The following TGFBR3 variants were observed in gnomAD, a reference collection of about 807,000 sequenced individuals.
TGFBR3 encodes the protein transforming growth factor beta receptor 3, also known as transforming growth factor beta receptor type 3.
TGFBR3 carries 46 observed loss-of-function variants against 87.9 expected under a neutral mutation model. The observed-to-expected ratio is 0.52, with a 90% confidence interval of 0.41 to 0.67. The LOEUF (loss-of-function observed/expected upper bound fraction) is 0.67, where lower values mean the gene tolerates loss of function less well. Among genes scored for constraint, TGFBR3 ranks in the 30% least tolerant of loss-of-function variants. TGFBR3 has a pLI of 0.00. For synonymous variants in TGFBR3, 381 were observed against 391.6 expected, an observed-to-expected ratio of 0.97 and a Z score of 0.32; for missense variants, 866 against 1,041.9, an observed-to-expected ratio of 0.83 and a Z score of 2.32.
intron 12 of TGFBR3, among the ~76,000 whole-genome samples, 168 bp from the exon 13 acceptor site, chr1:91,712,710 G>GA (rs746466911): frequency 6.6e-6 from 1 of 152,148 alleles, no homozygotes; most frequent in Non-Finnish European, 1.5e-5. Context: ...CACATTGAAA[G>GA]AAAAAGATAT....
Position 91,680,638 on chromosome 1 carries a change from C to A in TGFBR3, c.*3101G>T, listed in dbSNP as rs1374984185. ...GAAAAACATCTGTCAGTTTCATGAA[C>A]AACCCCCAGATAAAACAAACATGAA... On this transcript the variant is annotated 3_prime_UTR_variant, in exon 17 of 17. Coordinates refer to ENST00000212355, the MANE Select transcript of TGFBR3 (RefSeq NM_003243.5). The A allele has an allele frequency of 4.4e-6, 2 of 453,876 alleles. No homozygotes were observed. The highest frequency in any genetic ancestry group is 4.0e-5 in the African/African-American group (2 of 49,950). 28.1% of individuals were successfully genotyped at this position (453,876 alleles called of 1,614,324 possible).
chr1:91,704,801 AT>A (rs1671740503), intron 14 of TGFBR3, among the ~76,000 whole-genome samples: 1 of 152,236 alleles, frequency 6.6e-6, no homozygotes, highest in Non-Finnish European at 1.5e-5. Context: ...GGAAGGTTCC[AT>A]TAAAAACAGT....
At chr1:91,853,247 C>T (rs1010955263) in intron 2 of TGFBR3, among the ~76,000 whole-genome samples, 1 of 121,768 alleles carries the variant, frequency 8.2e-6, no homozygotes, top group African/African-American at 3.1e-5. Flanking sequence ...TGTTCTAAGA[C>T]CTGAGGGTTG....
intron 12 of TGFBR3, among the ~76,000 whole-genome samples, chr1:91,713,628 G>A (rs1672064097): frequency 6.6e-6 from 1 of 152,180 alleles, no homozygotes; most frequent in African/African-American, 2.4e-5. Flanking sequence ...CATCACATGG[G>A]GCTTTGAATC....
intron 2 of TGFBR3, among the ~76,000 whole-genome samples, chr1:91,810,876 GA>G (rs1026982219): frequency 2.7e-5 from 4 of 150,656 alleles, no homozygotes; most frequent in South Asian, 2.1e-4. Flanking sequence ...ATGTGTTCTG[GA>G]AAAAAAAATG....
intron 2 of TGFBR3, among the ~76,000 whole-genome samples, chr1:91,798,223 T>G (rs1378477021): frequency 6.6e-6 from 1 of 152,188 alleles, no homozygotes; most frequent in Non-Finnish European, 1.5e-5. Context: ...AAGCTCTGCA[T>G]GCCACCTTCC....
chr1:91,795,118 C>G (rs1436498681), intron 3 of TGFBR3, among the ~76,000 whole-genome samples: 2 of 152,216 alleles, frequency 1.3e-5, no homozygotes, highest in African/African-American at 4.8e-5. Context: ...ACTCTGAGAT[C>G]TGCCGTATGT....
rs550949361 is a variant in TGFBR3 at position 91,782,035 on chromosome 1, G to A, written c.246+15252C>T. 3.2e-4 allele frequency among the ~76,000 whole-genome samples: 48 copies of A among 152,184 alleles called. No homozygotes were observed. The South Asian group carries it at 8.5e-3, about 27-fold the overall frequency. On this transcript the variant is annotated intron_variant, in intron 3 of 16. Transcript: ENST00000212355. ...ATTCTCACTATCTTAACAACCACTG[G>A]AAAAATGAGTGGAATCTTCAAACCT...
intron 14 of TGFBR3, among the ~76,000 whole-genome samples, chr1:91,699,431 C>CTTTTTTTTTTGTTT (rs1671546066): frequency 1.2e-5 from 1 of 80,846 alleles, no homozygotes; most frequent in Non-Finnish European, 2.1e-5. Flanking sequence ...CTTTCTTTTG[C>CTTTTTTTTTTGTTT]TTTTTTTTTT....
intron 16 of TGFBR3, among the ~76,000 whole-genome samples, chr1:91,695,137 A>C (rs1671388724): frequency 6.6e-6 from 1 of 151,038 alleles, no homozygotes; most frequent in Non-Finnish European, 1.5e-5. Context: ...AGTTCATGGA[A>C]ATCTATTTAG....
chr1:91,893,256 G>A (rs1429928921), intron 2 of TGFBR3, among the ~76,000 whole-genome samples: 1 of 151,870 alleles, frequency 6.6e-6, no homozygotes, highest in Non-Finnish European at 1.5e-5. Context: ...TTAACATGTT[G>A]TCTAAGGAGA....
intron 4 of TGFBR3, among the ~76,000 whole-genome samples, chr1:91,756,277 G>A (rs1673741096): frequency 6.6e-6 from 1 of 152,160 alleles, no homozygotes; most frequent in African/African-American, 2.4e-5. Flanking sequence ...CAGTATGAGG[G>A]CTAAATGTGC....
chr1:91,801,102 AG>A, intron 2 of TGFBR3: 2 of 200,304 alleles, frequency 1.0e-5, no homozygotes, highest in South Asian at 5.4e-5. Context: ...AAAAAAAAAG[AG>A]AGAGAGAGAG....
intron 6 of TGFBR3, among the ~76,000 whole-genome samples, chr1:91,729,295 C>CACACACACAA (rs1672676718): frequency 6.7e-6 from 1 of 149,476 alleles, no homozygotes. Context: ...TACACACACA[C>CACACACACAA]ACACACACAC....
intron 1 of TGFBR3, among the ~76,000 whole-genome samples, chr1:91,880,327 G>A (rs544518536): frequency 2.0e-5 from 3 of 152,074 alleles, no homozygotes; most frequent in Admixed American, 2.0e-4. Flanking sequence ...ATGGCCGGGC[G>A]CGATGGCTCA....
chr1:91,902,016 C>G (rs1265162787), intron 1 of TGFBR3, among the ~76,000 whole-genome samples: 1 of 151,436 alleles, frequency 6.6e-6, no homozygotes, highest in Non-Finnish European at 1.5e-5. Context: ...TCAGTAGGCT[C>G]CATTAATTTA....
chr1:91,895,154 T>G (rs967678780), intron 2 of TGFBR3, among the ~76,000 whole-genome samples: 2 of 152,178 alleles, frequency 1.3e-5, no homozygotes, highest in African/African-American at 4.8e-5. Flanking sequence ...TCAATTGTAA[T>G]CCCCAATGTT....
chr1:91,782,254 G>T (rs913642250), intron 3 of TGFBR3, among the ~76,000 whole-genome samples: 1 of 152,166 alleles, frequency 6.6e-6, no homozygotes, highest in Non-Finnish European at 1.5e-5. Context: ...AGAATAGAAG[G>T]GAGGGTGATC....
At chr1:91,813,986 A>C (rs1676113657) in intron 2 of TGFBR3, among the ~76,000 whole-genome samples, 1 of 152,134 alleles carries the variant, frequency 6.6e-6, no homozygotes, top group African/African-American at 2.4e-5. Context: ...CACGAGGTGG[A>C]GCTTAGGCAG....
Sources: allele counts gnomAD v4.1 joint callset (sites outside exome capture counted in the v4.1 genomes callset), GRCh38; gene constraint gnomAD v4.1.1; transcripts MANE v1.5; gene names NCBI Gene and HGNC (gene_info 2026-07-23, HGNC 2026-07-21).